ZMYM6: variants seen among roughly 807,000 people sequenced by gnomAD.
ZMYM6 encodes zinc finger MYM-type protein 6.
In ZMYM6, 90 loss-of-function variants were observed where a neutral mutation model predicts 134.0. The observed-to-expected ratio is 0.67, with a 90% confidence interval of 0.57 to 0.80. The LOEUF (loss-of-function observed/expected upper bound fraction) is 0.80. ZMYM6 is among the 30% of genes least tolerant of loss of function. The pLI is 0.00. For synonymous variants in ZMYM6, 481 were observed against 524.1 expected (o/e 0.92, Z 1.12); for missense variants, 1,362 against 1,533.9 (o/e 0.89, Z 1.87).
chr1:35,001,498 T>C (rs933622371), intron 14 of ZMYM6, among the ~76,000 whole-genome samples: 3 of 152,062 alleles, frequency 2.0e-5, no homozygotes, highest in African/African-American at 4.8e-5. Flanking sequence ...TCAAGACTAA[T>C]TATCTCATAT....
At chr1:34,998,350 T>C (rs1057016401) in intron 14 of ZMYM6, among the ~76,000 whole-genome samples, 7 of 152,230 alleles carry the variant, frequency 4.6e-5, no homozygotes, top group Non-Finnish European at 8.8e-5. Context: ...CCAGTACCAA[T>C]TGTTTTAACT....
Position 35,015,743 on chromosome 1 carries a change from A to AAAAAT in ZMYM6, c.429-582_429-581insATTTT. Among the ~76,000 whole-genome samples, 9 of 106,470 alleles carry AAAAAT rather than the reference A, an allele frequency of 8.5e-5. No homozygotes were observed. The East Asian group carries it at 1.3e-3, about 15-fold the overall frequency. 69.8% of individuals were successfully genotyped at this position (106,470 alleles called of 152,430 possible). The stretch of plus-strand genomic sequence containing the variant: ...CATCTCAAAAAAAAAAAAAAAAAAA[A>AAAAAT]ATATATATATATATATATGTGGCCA... On this transcript the variant is annotated intron_variant, in intron 4 of 15. Transcript: ENST00000357182.
At chr1:35,002,654 C>T (rs1026068354) in intron 14 of ZMYM6, among the ~76,000 whole-genome samples, 1 of 152,130 alleles carries the variant, frequency 6.6e-6, no homozygotes, top group African/African-American at 2.4e-5. Flanking sequence ...AGCACTACTG[C>T]TAATATTCTG....
chr1:35,021,199 G>A (rs1014625592), intron 2 of ZMYM6, among the ~76,000 whole-genome samples: 5 of 149,872 alleles, frequency 3.3e-5, no homozygotes, highest in African/African-American at 1.2e-4. Context: ...GGAGTGCAAT[G>A]GCGTGATCTT....
At chr1:34,998,412 C>T (rs1031523221) in intron 14 of ZMYM6, among the ~76,000 whole-genome samples, 6 of 152,154 alleles carry the variant, frequency 3.9e-5, no homozygotes, top group African/African-American at 1.2e-4. Flanking sequence ...TGGAAACTTG[C>T]TCTTTGCCTC....
chr1:34,993,821 C>A (rs951782953), intron 14 of ZMYM6, among the ~76,000 whole-genome samples: 1 of 151,880 alleles, frequency 6.6e-6, no homozygotes, highest in African/African-American at 2.4e-5. Flanking sequence ...GTAGCTGGGA[C>A]TACAAGCACC....
Position 35,030,707 on chromosome 1 carries a change from T to A in ZMYM6, c.-68A>T. On this transcript the variant is annotated 5_prime_UTR_variant, in exon 2 of 16. Coordinates refer to ENST00000357182, the MANE Select transcript of ZMYM6 (RefSeq NM_007167.4). Reference sequence around the variant, plus strand: ...AGATTTCTTCTTGGTAATGGATAGTTGGACACCTAAAATACATACTCAGGC... The same window carrying A: ...AGATTTCTTCTTGGTAATGGATAGTAGGACACCTAAAATACATACTCAGGC... The A allele has an allele frequency of 7.1e-7, 1 of 1,414,846 alleles. No homozygotes were observed. The highest frequency in any genetic ancestry group is 9.8e-7 in the Non-Finnish European group (1 of 1,017,080). The allele number at this position is 1,414,846 out of a possible 1,614,324, so 87.6% of individuals were successfully genotyped here.
intron 1 of ZMYM6, 71 bp from the exon 2 acceptor site, chr1:35,030,784 G>A (rs1355767906): frequency 1.6e-5 from 12 of 768,114 alleles, no homozygotes; most frequent in Non-Finnish European, 2.3e-5. Flanking sequence ...TTTGTGTTGA[G>A]TGCATGAGGC....
chr1:35,013,171 C>A (rs1641116407), intron 6 of ZMYM6: 2 of 762,572 alleles, frequency 2.6e-6, no homozygotes, highest in Non-Finnish European at 3.2e-6. Flanking sequence ...GAGTCAGGCC[C>A]CAGGCTAAGA....
At chr1:34,989,391 G>A (rs58598348) in intron 15 of ZMYM6, 35,958 of 285,220 alleles carry the variant, frequency 0.13, 9,535 homozygotes, top group African/African-American at 0.67. Flanking sequence ...AAAAAAAAAA[G>A]AAGAAGAAAA....
intron 14 of ZMYM6, among the ~76,000 whole-genome samples, chr1:34,999,330 G>A (rs1640841810): frequency 6.6e-6 from 1 of 152,160 alleles, no homozygotes; most frequent in Non-Finnish European, 1.5e-5. Context: ...GCAGACAAAA[G>A]CCTGACTGGA....
At chr1:35,030,510 A>AT (rs1641501407) in intron 2 of ZMYM6, 37 bp downstream of exon 2, 2 of 1,572,762 alleles carry the variant, frequency 1.3e-6, no homozygotes, top group Non-Finnish European at 1.7e-6. Flanking sequence ...AAAAGAAGGA[A>AT]TTTTTTTAAA....
intron 2 of ZMYM6, chr1:35,030,126 T>C: frequency 6.3e-6 from 1 of 157,906 alleles, no homozygotes; most frequent in Non-Finnish European, 1.4e-5. Context: ...AGTTATAGCT[T>C]TCATTCAAAG....
At chr1:35,030,455 C>A in intron 2 of ZMYM6, 92 bp downstream of exon 2, 1 of 1,252,914 alleles carries the variant, frequency 8.0e-7, no homozygotes, top group Non-Finnish European at 1.1e-6. Flanking sequence ...TTTAAACTTA[C>A]AAACCAGAAG....
intron 14 of ZMYM6, among the ~76,000 whole-genome samples, chr1:34,998,397 A>G (rs1156385229): frequency 3.9e-5 from 6 of 152,158 alleles, no homozygotes; most frequent in Non-Finnish European, 7.3e-5. Context: ...TATAATTTCA[A>G]TATGTGGAAA....
intron 1 of ZMYM6, among the ~76,000 whole-genome samples, chr1:35,030,990 C>G (rs1641512283): frequency 6.6e-6 from 1 of 152,168 alleles, no homozygotes; most frequent in Non-Finnish European, 1.5e-5. Context: ...GGGAATTAGA[C>G]CAGCAGACCA....
chr1:35,019,239 T>G, intron 4 of ZMYM6, 114 bp downstream of exon 4: 1 of 1,449,558 alleles, frequency 6.9e-7, no homozygotes. Flanking sequence ...AACTAAAAAG[T>G]TATTTCTACA....
intron 2 of ZMYM6, among the ~76,000 whole-genome samples, chr1:35,029,784 C>T (rs544962545): frequency 6.6e-6 from 1 of 152,294 alleles, no homozygotes; most frequent in Admixed American, 6.5e-5. Flanking sequence ...GAGAGGCCTT[C>T]CCTAGCCATC....
In ZMYM6 at chr1:35,015,173, A is replaced by G. The variant is rs754882377; in HGVS notation, c.429-11T>C. The G allele has an allele frequency of 1.6e-5, 26 of 1,576,226 alleles. No individual in the cohort carries two copies. The East Asian group carries it at 2.5e-4, about 15-fold the overall frequency. On this transcript the variant is annotated splice_polypyrimidine_tract_variant and intron_variant, in intron 4 of 15. Transcript: ENST00000357182. ...GGATTTAAAATGTCTCTAAAAATAA[A>G]TAACAAAGGTAAAAATGAAATGTAT... is the stretch of plus-strand genomic sequence containing the variant.
Sources: allele counts gnomAD v4.1 joint callset (sites outside exome capture counted in the v4.1 genomes callset), GRCh38; gene constraint gnomAD v4.1.1; transcripts MANE v1.5; gene names NCBI Gene and HGNC (gene_info 2026-07-23, HGNC 2026-07-21).